The following RGS6 variants were observed in gnomAD, a reference collection of about 807,000 sequenced individuals.
RGS6 encodes regulator of G protein signaling 6.
In RGS6, 30 loss-of-function variants were observed where a neutral mutation model predicts 78.5. That is an observed-to-expected ratio of 0.38 (90% CI 0.29 to 0.52). The LOEUF (loss-of-function observed/expected upper bound fraction) is 0.52. Ranked by LOEUF, RGS6 falls within the 20% of genes least tolerant of loss-of-function variation. The pLI is 0.85. For synonymous variants in RGS6, 206 were observed against 206.0 expected, an observed-to-expected ratio of 1.00 and a Z score of 0.00; for missense variants, 495 against 609.7, an observed-to-expected ratio of 0.81 and a Z score of 1.98.
intron 2 of RGS6, among the ~76,000 whole-genome samples, chr14:72,243,288 A>G (rs1877234598): frequency 6.6e-6 from 1 of 152,224 alleles, no homozygotes; most frequent in Admixed American, 6.5e-5. Flanking sequence ...TCACCTAGGA[A>G]ATAGTTTTTC....
chr14:72,506,352 C>T (rs948470028), intron 13 of RGS6, among the ~76,000 whole-genome samples: 2 of 152,218 alleles, frequency 1.3e-5, no homozygotes, highest in Non-Finnish European at 2.9e-5. Flanking sequence ...AGAGACTGTG[C>T]TTCTGTGGAT....
At chr14:72,473,896 G>A (rs924065657) in intron 9 of RGS6, 1 of 152,224 alleles carries the variant, frequency 6.6e-6, no homozygotes, top group African/African-American at 2.4e-5. Flanking sequence ...GCACATCAGA[G>A]AATGGTGAAC....
intron 15 of RGS6, among the ~76,000 whole-genome samples, chr14:72,530,580 A>G (rs1209015837): frequency 6.6e-6 from 1 of 152,134 alleles, no homozygotes; most frequent in Non-Finnish European, 1.5e-5. Flanking sequence ...AATCCCAGCT[A>G]CTTGGGAGGC....
intron 2 of RGS6, among the ~76,000 whole-genome samples, chr14:71,983,281 T>C (rs2094544712): frequency 6.6e-6 from 1 of 152,190 alleles, no homozygotes; most frequent in African/African-American, 2.4e-5. Context: ...TACCTCTACG[T>C]ATGAAATGGA....
chr14:72,560,768 T>A (rs2097661847), intron 17 of RGS6, among the ~76,000 whole-genome samples: 2 of 151,162 alleles, frequency 1.3e-5, no homozygotes, highest in African/African-American at 4.9e-5. Flanking sequence ...AAGATTCAGA[T>A]AAGGTTGCTG....
rs148521775 is a variant in RGS6 at position 72,139,709 on chromosome 14, G to A, written c.84+174834G>A. On this transcript the variant is annotated intron_variant, in intron 2 of 17. Coordinates refer to ENST00000553525, the MANE Select transcript of RGS6 (RefSeq NM_001204424.2). ...TCTGCCTAGTTCTGCCTAGGAACCAGGGAAATCCATGGCAAGGAGAAAATA... is the reference window on the plus strand; with the variant it reads ...TCTGCCTAGTTCTGCCTAGGAACCAAGGAAATCCATGGCAAGGAGAAAATA... 3.9e-3 allele frequency among the ~76,000 whole-genome samples: 589 copies of A among 152,280 alleles called. 5 individuals carry two copies. Among genetic ancestry groups the A allele is most frequent in the African/African-American group, 0.013 (559 of 41,568 alleles).
the RGS6 span, among the ~76,000 whole-genome samples, chr14:71,894,832 A>ATTT: frequency 6.6e-6 from 1 of 150,998 alleles, no homozygotes. Flanking sequence ...TCCTTTTTTT[A>ATTT]TTTTTTTTTG....
intron 2 of RGS6, among the ~76,000 whole-genome samples, chr14:72,171,188 A>G (rs190621804): frequency 1.3e-5 from 2 of 152,246 alleles, no homozygotes; most frequent in East Asian, 1.9e-4. Context: ...AAAAAAGCTG[A>G]AGGGATTTTG....
In RGS6 at chr14:72,067,702, A is replaced by G. The variant is rs116275661; in HGVS notation, c.84+102827A>G. On this transcript the variant is annotated intron_variant, in intron 2 of 17. Transcript: ENST00000553525. ...AACTTAAAAAAATAAAATAAAATAA[A>G]GTTTATTTTCAAAACTTTTGAAGTT... Among the ~76,000 whole-genome samples, 739 of 152,292 alleles carry G rather than the reference A, an allele frequency of 4.9e-3. 12 individuals carry two copies. Among genetic ancestry groups the G allele is most frequent in the African/African-American group, 0.017 (710 of 41,550 alleles).
the RGS6 span, among the ~76,000 whole-genome samples, chr14:72,597,108 G>A: frequency 3.0e-3 from 453 of 152,144 alleles, 6 homozygotes; most frequent in African/African-American, 9.9e-3. Flanking sequence ...ATGTGGTGGC[G>A]TGCACCTGTA....
chr14:71,894,488 G>A, the RGS6 span, among the ~76,000 whole-genome samples: 1 of 151,966 alleles, frequency 6.6e-6, no homozygotes, highest in Non-Finnish European at 1.5e-5. Context: ...TCTTACTTTC[G>A]GGAACACCCT....
At chr14:72,107,422 A>G (rs1477901114) in intron 2 of RGS6, among the ~76,000 whole-genome samples, 2 of 152,006 alleles carry the variant, frequency 1.3e-5, no homozygotes, top group Non-Finnish European at 2.9e-5. Flanking sequence ...TTTTTATTAC[A>G]GGCTCATCTT....
chr14:72,132,441 G>A (rs1302142165), intron 2 of RGS6, among the ~76,000 whole-genome samples: 1 of 151,976 alleles, frequency 6.6e-6, no homozygotes, highest in Non-Finnish European at 1.5e-5. Context: ...ACCATGCCCG[G>A]CTAGCTTTTC....
chr14:72,419,710 A>G (rs1249910670), intron 3 of RGS6, among the ~76,000 whole-genome samples: 1 of 152,162 alleles, frequency 6.6e-6, no homozygotes, highest in Non-Finnish European at 1.5e-5. Context: ...AAATCATCAT[A>G]ACCCAAAAGA....
chr14:72,046,275 T>G (rs188062224), intron 2 of RGS6, among the ~76,000 whole-genome samples: 1 of 151,734 alleles, frequency 6.6e-6, no homozygotes, highest in Admixed American at 6.6e-5. Flanking sequence ...CTTTTTAGCA[T>G]GACACATACA....
intron 2 of RGS6, among the ~76,000 whole-genome samples, chr14:72,164,554 A>T (rs1309829717): frequency 1.3e-5 from 2 of 152,186 alleles, no homozygotes; most frequent in East Asian, 3.9e-4. Flanking sequence ...CAACCCATTG[A>T]TATGGGGATT....
the RGS6 span, among the ~76,000 whole-genome samples, chr14:71,867,690 A>G: frequency 6.6e-6 from 1 of 152,162 alleles, no homozygotes; most frequent in Non-Finnish European, 1.5e-5. Context: ...ATTAAGAGAG[A>G]TGACCAGATA....
intron 2 of RGS6, among the ~76,000 whole-genome samples, chr14:72,137,373 C>T (rs151160828): frequency 1.5e-3 from 222 of 152,322 alleles, no homozygotes; most frequent in African/African-American, 5.1e-3. Context: ...AGCAGAATCC[C>T]ACTGGATGTC....
chr14:72,171,450 CA>C (rs2097016988), intron 2 of RGS6, among the ~76,000 whole-genome samples: 1 of 152,192 alleles, frequency 6.6e-6, no homozygotes, highest in Admixed American at 6.5e-5. Flanking sequence ...AGCAATAGTC[CA>C]GTGTTTCCCA....
Sources: gnomAD v4.1 joint callset for allele counts (sites outside exome capture counted in the v4.1 genomes callset) on GRCh38, gnomAD v4.1.1 for gene constraint, MANE v1.5 for transcripts, NCBI Gene and HGNC (gene_info 2026-07-23, HGNC 2026-07-21) for gene names.